The following RPTOR variants were observed in gnomAD, a reference collection of about 807,000 sequenced individuals.
RPTOR encodes regulatory associated protein of MTOR complex 1.
A neutral mutation model predicts 169.9 loss-of-function variants in RPTOR; 21 were observed. The ratio of observed to expected loss-of-function variants is 0.12; its 90% CI spans 0.09 to 0.18. The LOEUF (loss-of-function observed/expected upper bound fraction) is 0.18. Ranked by LOEUF, RPTOR falls within the 10% of genes least tolerant of loss-of-function variation. The pLI is 1.00. For missense variants in RPTOR, 1,133 were observed against 1,855.9 expected, an observed-to-expected ratio of 0.61 and a Z score of 7.16; for synonymous variants, 732 against 753.2, an observed-to-expected ratio of 0.97 and a Z score of 0.46.
intron 3 of RPTOR, among the ~76,000 whole-genome samples, chr17:80,648,696 G>GC (rs1485252749): frequency 1.3e-5 from 2 of 152,008 alleles, no homozygotes; most frequent in African/African-American, 2.4e-5. Flanking sequence ...GCTTCCTTGT[G>GC]CCCCCCACCC....
chr17:80,828,612 C>T (rs531867689), intron 9 of RPTOR, among the ~76,000 whole-genome samples: 1 of 152,326 alleles, frequency 6.6e-6, no homozygotes, highest in Non-Finnish European at 1.5e-5. Context: ...ACCTGCCTGC[C>T]CACCGTGCTC....
At chr17:80,548,853 G>A (rs1410777126) in intron 1 of RPTOR, among the ~76,000 whole-genome samples, 1 of 152,182 alleles carries the variant, frequency 6.6e-6, no homozygotes, top group African/African-American at 2.4e-5. Flanking sequence ...CTTCCTGGTG[G>A]CCACTGACTG....
chr17:80,940,449 A>C, intron 24 of RPTOR, 47 bp from the exon 25 acceptor site: 1 of 1,538,930 alleles, frequency 6.5e-7, no homozygotes, highest in Non-Finnish European at 8.9e-7. Context: ...CCAAGAGACA[A>C]CCCTGTTTCA....
At chr17:80,554,938 TAA>T (rs2084390469) in intron 1 of RPTOR, among the ~76,000 whole-genome samples, 2 of 152,232 alleles carry the variant, frequency 1.3e-5, no homozygotes, top group African/African-American at 2.4e-5. Context: ...GAATATATAA[TAA>T]GTTTGATTTT....
At chr17:80,628,090 A>G (rs879726872) in intron 2 of RPTOR, among the ~76,000 whole-genome samples, 2 of 152,082 alleles carry the variant, frequency 1.3e-5, no homozygotes, top group Non-Finnish European at 2.9e-5. Context: ...CACCCACCTC[A>G]GCCTCCCAAA....
intron 6 of RPTOR, 127 bp from the exon 7 acceptor site, chr17:80,791,323 T>G: frequency 1.5e-6 from 1 of 685,004 alleles, no homozygotes; most frequent in South Asian, 2.1e-5. Context: ...TAAGGAAATC[T>G]GAGTGTACTT....
intron 6 of RPTOR, among the ~76,000 whole-genome samples, chr17:80,772,923 G>A (rs2066858980): frequency 1.3e-5 from 2 of 152,168 alleles, no homozygotes; most frequent in South Asian, 4.1e-4. Context: ...CAGAGCCAGG[G>A]CTACGATTTG....
chr17:80,656,563 GA>G (rs2065681325), intron 3 of RPTOR, among the ~76,000 whole-genome samples: 1 of 152,096 alleles, frequency 6.6e-6, no homozygotes, highest in African/African-American at 2.4e-5. Flanking sequence ...TTAAAACCAT[GA>G]TTTTTTTTAC....
chr17:80,665,424 TTTCC>T lies in RPTOR; in HGVS notation c.348+21617_348+21620del, dbSNP rs1567846246. On this transcript the variant is annotated intron_variant, in intron 3 of 33. Transcript: ENST00000306801. The stretch of plus-strand genomic sequence containing the variant: ...TTTCCTTTCCTTTCCTTTCCTTTCC[TTTCC>T]TTTCCTTTCCTTTCCTTTCCTTTCC... Among the ~76,000 whole-genome samples the T allele has an allele frequency of 5.5e-4, 7 of 12,698 alleles. 1 individual carries two copies. The highest frequency in any genetic ancestry group is 3.7e-3 in the African/African-American group (4 of 1,082). 8.3% of individuals were successfully genotyped at this position (12,698 alleles called of 152,430 possible). A position where few individuals can be genotyped will look rare whatever the true frequency, so the allele number is the denominator to read the frequency against.
chr17:80,613,142 T>C (rs922190531), intron 1 of RPTOR, among the ~76,000 whole-genome samples: 12 of 152,138 alleles, frequency 7.9e-5, no homozygotes, highest in Non-Finnish European at 1.8e-4. Flanking sequence ...CTGGCTCTGC[T>C]TGGAGAACCT....
intron 1 of RPTOR, among the ~76,000 whole-genome samples, chr17:80,587,698 G>A (rs925930856): frequency 6.6e-6 from 1 of 151,758 alleles, no homozygotes; most frequent in African/African-American, 2.4e-5. Flanking sequence ...GAGATACAAT[G>A]TGATGTTTTG....
intron 3 of RPTOR, among the ~76,000 whole-genome samples, chr17:80,663,055 C>T (rs1005217967): frequency 2.6e-5 from 4 of 152,164 alleles, no homozygotes; most frequent in Admixed American, 6.5e-5. Flanking sequence ...CCTTTTTCTA[C>T]AGTGACCACA....
chr17:80,936,539 G>T lies in RPTOR; in HGVS notation c.2920-3957G>T, dbSNP rs1465685145. 6.6e-6 allele frequency among the ~76,000 whole-genome samples: 1 copy of T among 152,140 alleles called. No individual in the cohort carries two copies. The highest frequency in any genetic ancestry group is 1.5e-5 in the Non-Finnish European group (1 of 68,024). On this transcript the variant is annotated intron_variant, in intron 24 of 33. Transcript: ENST00000306801. This position sits in a 1 kb window ranked among gnomAD's most constrained non-coding sequence, Gnocchi z 4.1. ...ATATTTAAATAAACTATTGATAAAC[G>T]CAGTGGCACAGATGCATCTCAAGTG...
At position 80,846,455 on chromosome 17, in the gene RPTOR, G is replaced by A; in HGVS notation, c.1213-18G>A. On this transcript the variant is annotated intron_variant, in intron 10 of 33. Transcript: ENST00000306801. ...GGGAACATGGCCCTAACAAGCACCT[G>A]TTCTGCTTGCCCCGCAGCACAGCCC... 6.2e-7 allele frequency: 1 copy of A among 1,612,218 alleles called. No individual in the cohort carries two copies. The highest frequency in any genetic ancestry group is 8.5e-7 in the Non-Finnish European group (1 of 1,178,904).
intron 13 of RPTOR, among the ~76,000 whole-genome samples, chr17:80,869,263 G>T (rs534191108): frequency 6.6e-6 from 1 of 152,044 alleles, no homozygotes; most frequent in South Asian, 2.1e-4. Flanking sequence ...GGGTTCAAGC[G>T]ATTCTCCTGC....
intron 13 of RPTOR, among the ~76,000 whole-genome samples, chr17:80,872,941 G>A (rs188215353): frequency 9.8e-4 from 150 of 152,342 alleles, no homozygotes; most frequent in Non-Finnish European, 1.3e-3. Flanking sequence ...GTGAGCAAGG[G>A]AGAGGGGATG....
At chr17:80,958,311 C>T (rs2069283404) in intron 29 of RPTOR, among the ~76,000 whole-genome samples, 2 of 151,010 alleles carry the variant, frequency 1.3e-5, no homozygotes, top group South Asian at 2.1e-4. Flanking sequence ...AAGCTGGTCT[C>T]GAATTCCTGG....
At chr17:80,719,248 A>G (rs2066264865) in intron 4 of RPTOR, among the ~76,000 whole-genome samples, 1 of 152,090 alleles carries the variant, frequency 6.6e-6, no homozygotes, top group Admixed American at 6.5e-5. Flanking sequence ...ATTGGGAGAA[A>G]ATGGCATGGG....
intron 3 of RPTOR, among the ~76,000 whole-genome samples, chr17:80,666,833 T>C (rs2065783689): frequency 8.3e-6 from 1 of 120,066 alleles, no homozygotes; most frequent in African/African-American, 3.4e-5. Flanking sequence ...GGAAGAATGC[T>C]GTCTGTGAAG....
Sources: gnomAD v4.1 joint callset for allele counts (sites outside exome capture counted in the v4.1 genomes callset) on GRCh38, gnomAD v4.1.1 for gene constraint, Gnocchi (gnomAD v3.1) non-coding constraint, MANE v1.5 for transcripts, NCBI Gene and HGNC (gene_info 2026-07-23, HGNC 2026-07-21) for gene names.